FCRL1: variants seen among roughly 807,000 people sequenced by gnomAD.
FCRL1 encodes the protein Fc receptor like 1.
Under a neutral mutation model 49.2 loss-of-function variants are expected in FCRL1, and 34 were observed. That is an observed-to-expected ratio of 0.69 (90% CI 0.53 to 0.92). The LOEUF (loss-of-function observed/expected upper bound fraction) is 0.92. Among genes scored for constraint, FCRL1 ranks in the 40% least tolerant of loss-of-function variants. The pLI is 0.00. For missense variants in FCRL1, 524 were observed against 524.1 expected (o/e 1.00, Z 0.00); for synonymous variants, 218 against 201.6 (o/e 1.08, Z -0.69).
intron 8 of FCRL1, 106 bp from the exon 9 acceptor site, chr1:157,798,045 G>A: frequency 6.6e-7 from 1 of 1,504,698 alleles, no homozygotes; most frequent in Non-Finnish European, 9.2e-7. Context: ...TGAGTCATTT[G>A]TTTGTAGCAG....
chr1:157,808,247 G>A (rs1653774774), intron 1 of FCRL1, among the ~76,000 whole-genome samples: 1 of 152,096 alleles, frequency 6.6e-6, no homozygotes, highest in African/African-American at 2.4e-5. Flanking sequence ...GTGGTAGAGA[G>A]CCAATTTAAA....
chr1:157,799,105 A>T (rs934967872), intron 7 of FCRL1, among the ~76,000 whole-genome samples: 3 of 152,112 alleles, frequency 2.0e-5, no homozygotes, highest in Admixed American at 6.5e-5. Context: ...AACTCAAGGG[A>T]TTCTCTTGCC....
intron 1 of FCRL1, among the ~76,000 whole-genome samples, chr1:157,815,663 G>A (rs1654924763): frequency 6.6e-6 from 1 of 151,662 alleles, no homozygotes; most frequent in Non-Finnish European, 1.5e-5. Flanking sequence ...TCAATGAAAT[G>A]AGTCAGTCTT....
chr1:157,805,862 C>T (rs183547978), intron 2 of FCRL1, among the ~76,000 whole-genome samples: 5 of 152,300 alleles, frequency 3.3e-5, no homozygotes, highest in Admixed American at 3.3e-4. Context: ...CACCACTGCA[C>T]TCCAGCCTGG....
chr1:157,796,286 T>C, intron 10 of FCRL1, 116 bp from the exon 11 acceptor site: 1 of 814,268 alleles, frequency 1.2e-6, no homozygotes, highest in Non-Finnish European at 2.0e-6. Context: ...AATGCAAAAA[T>C]AAGGGCCTCT....
intron 8 of FCRL1, 59 bp from the exon 9 acceptor site, chr1:157,797,998 C>T (rs1289650017): frequency 8.3e-6 from 13 of 1,566,496 alleles, no homozygotes; most frequent in Non-Finnish European, 1.1e-5. Context: ...TTTCAAATTA[C>T]TCCATACCTT....
chr1:157,801,440 C>T, intron 6 of FCRL1, 21 bp downstream of exon 6: 2 of 1,437,058 alleles, frequency 1.4e-6, no homozygotes, highest in Non-Finnish European at 2.0e-6. Context: ...TAACAAAATG[C>T]CACTCTCTTT....
chr1:157,797,655 G>A (rs1651736217), intron 9 of FCRL1: 2 of 1,262,332 alleles, frequency 1.6e-6, no homozygotes, highest in Admixed American at 2.1e-5. Flanking sequence ...AAATTTGACA[G>A]CCCATCCCCA....
chr1:157,804,336 T>C, intron 2 of FCRL1: 2 of 511,156 alleles, frequency 3.9e-6, no homozygotes, highest in Non-Finnish European at 6.9e-6. Context: ...GTATTATCTT[T>C]CAGAAAGTAA....
chr1:157,804,421 A>G (rs949227696), intron 2 of FCRL1, among the ~76,000 whole-genome samples: 2 of 152,230 alleles, frequency 1.3e-5, no homozygotes, highest in African/African-American at 4.8e-5. Context: ...TCTTGAAGCC[A>G]GTACAATAAT....
At chr1:157,818,891 A>T (rs1655415665) in intron 1 of FCRL1, among the ~76,000 whole-genome samples, 1 of 152,218 alleles carries the variant, frequency 6.6e-6, no homozygotes, top group Non-Finnish European at 1.5e-5. Flanking sequence ...AATAATTTAG[A>T]ATGAAGAAAC....
chr1:157,799,265 G>T (rs1370143146), intron 7 of FCRL1, among the ~76,000 whole-genome samples: 1 of 152,146 alleles, frequency 6.6e-6, no homozygotes, highest in African/African-American at 2.4e-5. Context: ...CTCCCAAAGT[G>T]CTGGGATTAC....
At chr1:157,811,934 C>G (rs1376937216) in intron 1 of FCRL1, among the ~76,000 whole-genome samples, 3 of 152,218 alleles carry the variant, frequency 2.0e-5, no homozygotes, top group Non-Finnish European at 4.4e-5. Context: ...CTTGAGTCCA[C>G]ATGACACTCT....
Position 157,803,958 on chromosome 1 carries a change from G to C in FCRL1, c.206C>G (p.Pro69Arg), listed in dbSNP as rs965233120. 6 of 1,614,082 alleles carry C rather than the reference G, an allele frequency of 3.7e-6. No individual in the cohort carries two copies. The African/African-American group carries it at 6.7e-5, about 18-fold the overall frequency. The change falls in exon 3 of 11, where the codon CCC (proline) becomes CGC (arginine). Residue 69 changes from proline to arginine, a missense_variant. Coordinates refer to ENST00000368176, the MANE Select transcript of FCRL1 (RefSeq NM_052938.5). ...CCACATGGCAGCGATCTGGAGCTTG[G>C]GGGAGCTGCTCCAGCCTGGGCCCAA... Reference protein sequence around the residue: ...RALGPGWSSSPKLQIAAMWKE... With the variant: ...RALGPGWSSSRKLQIAAMWKE...
At position 157,795,382 on chromosome 1, in the gene FCRL1, AG is replaced by A. The variant is rs1405874101; in HGVS notation, c.*716del. ...TTTAAAAAAAAAATAATTAAGATACAGGTTTCAAACCATATTACCACGATTT... is the reference window on the plus strand; with the variant it reads ...TTTAAAAAAAAAATAATTAAGATACAGTTTCAAACCATATTACCACGATTT... On this transcript the variant is annotated 3_prime_UTR_variant, in exon 11 of 11. Transcript: ENST00000368176. 6.6e-6 allele frequency: 1 copy of A among 152,172 alleles called. No homozygotes were observed. 9.4% of individuals were successfully genotyped at this position (152,172 alleles called of 1,614,324 possible). A position where few individuals can be genotyped will look rare whatever the true frequency, so the allele number is the denominator to read the frequency against.
chr1:157,806,354 G>A (rs1039017363), intron 2 of FCRL1, among the ~76,000 whole-genome samples: 17 of 152,106 alleles, frequency 1.1e-4, no homozygotes, highest in South Asian at 8.3e-4. Flanking sequence ...GAGGTGGCAG[G>A]ACAATCTCTT....
intron 1 of FCRL1, among the ~76,000 whole-genome samples, chr1:157,818,374 A>T (rs549630015): frequency 3.1e-4 from 47 of 151,738 alleles, no homozygotes; most frequent in African/African-American, 9.9e-4. Context: ...AGCCTGAAGG[A>T]TATTATGTTA....
intron 10 of FCRL1, 32 bp downstream of exon 10, chr1:157,797,069 A>G: frequency 1.9e-6 from 3 of 1,610,150 alleles, no homozygotes; most frequent in Non-Finnish European, 2.5e-6. Flanking sequence ...GGAAAGAAAG[A>G]ACATGGAAGA....
chr1:157,797,209 T>C, intron 9 of FCRL1, 77 bp from the exon 10 acceptor site: 2 of 1,304,670 alleles, frequency 1.5e-6, no homozygotes, highest in East Asian at 4.6e-5. Flanking sequence ...AAGAAAAGCT[T>C]CTTCCTCTCC....
Sources: gnomAD v4.1 joint callset for allele counts (sites outside exome capture counted in the v4.1 genomes callset) on GRCh38, gnomAD v4.1.1 for gene constraint, MANE v1.5 for transcripts, NCBI Gene and HGNC (gene_info 2026-07-23, HGNC 2026-07-21) for gene names.